The following UPRT variants were observed in gnomAD, a reference collection of about 807,000 sequenced individuals.
UPRT encodes uracil phosphoribosyltransferase homolog, also known as RP11-311P8.3.
A neutral mutation model predicts 22.6 loss-of-function variants in UPRT; 5 were observed. The observed-to-expected ratio is 0.22, with a 90% CI of 0.12 to 0.47. The LOEUF (loss-of-function observed/expected upper bound fraction) is 0.47. UPRT is among the 20% of genes least tolerant of loss of function. The probability of loss-of-function intolerance (pLI) is 0.99; values close to 1 mark genes in which losing one functional copy is unlikely to be tolerated. For missense variants in UPRT, 181 were observed against 239.9 expected, an observed-to-expected ratio of 0.75 and a Z score of 1.62; for synonymous variants, 77 against 87.7, an observed-to-expected ratio of 0.88 and a Z score of 0.68.
At chrX:75,249,587 T>C (rs1602473224) in intron 4 of UPRT, among the ~76,000 whole-genome samples, 1 of 111,165 alleles carries the variant, frequency 9.0e-6, no homozygotes, top group East Asian at 2.8e-4. Flanking sequence ...ACAAAGAGAC[T>C]TAGACTCCCA....
chrX:75,259,471 A>G (rs1330155468), intron 4 of UPRT, among the ~76,000 whole-genome samples: 1 of 107,898 alleles, frequency 9.3e-6, no homozygotes. Flanking sequence ...ATACACGAGT[A>G]TCAACAGCTG....
intron 4 of UPRT, among the ~76,000 whole-genome samples, chrX:75,215,552 G>A (rs748615715): frequency 9.0e-6 from 1 of 111,563 alleles, no homozygotes; most frequent in African/African-American, 3.3e-5. Flanking sequence ...AAGATCCTAT[G>A]GACATTAAAA....
intron 4 of UPRT, among the ~76,000 whole-genome samples, chrX:75,167,927 T>C (rs1415165120): frequency 8.9e-6 from 1 of 111,955 alleles, no homozygotes; most frequent in Non-Finnish European, 1.9e-5. Context: ...AGTGAGAGGT[T>C]GCCCTCCCAC....
chrX:75,279,526 A>G (rs930762747), intron 1 of UPRT, among the ~76,000 whole-genome samples: 2 of 111,790 alleles, frequency 1.8e-5, no homozygotes, highest in South Asian at 3.7e-4. Flanking sequence ...CCCTGACACA[A>G]AGGATAATTA....
At chrX:75,265,278 C>A (rs1210977405) in intron 4 of UPRT, among the ~76,000 whole-genome samples, 1 of 111,674 alleles carries the variant, frequency 9.0e-6, no homozygotes. Context: ...AGAGTGTTTT[C>A]CAACTTGGTT....
At chrX:75,238,950 A>G (rs1237377870) in intron 4 of UPRT, among the ~76,000 whole-genome samples, 1 of 111,663 alleles carries the variant, frequency 9.0e-6, no homozygotes, top group Non-Finnish European at 1.9e-5. Context: ...AACCTCTGGG[A>G]TACAGCAAAA....
chrX:75,235,261 G>A (rs148649750), intron 4 of UPRT, among the ~76,000 whole-genome samples: 10 of 111,186 alleles, frequency 9.0e-5, no homozygotes, highest in Non-Finnish European at 1.9e-4. Flanking sequence ...CCTGAATAGA[G>A]CAATAACAGG....
At chrX:75,201,556 G>A (rs2082347343) in intron 4 of UPRT, 1 of 120,054 alleles carries the variant, frequency 8.3e-6, no homozygotes, top group Admixed American at 9.1e-5. Flanking sequence ...TTTATAAGTG[G>A]AAAGTCATAA....
chrX:75,289,488 G>C lies in UPRT; in HGVS notation c.387-3984G>C, dbSNP rs1260785964. On this transcript the variant is annotated intron_variant, in intron 1 of 6. Coordinates refer to ENST00000373383, the MANE Select transcript of UPRT (RefSeq NM_145052.4). Reference sequence around the variant, plus strand: ...GAAATTCGTATGGTGCCCCAAAAGAGCCAGAATAGCCAAAGCAATCCTAAG... The same window carrying C: ...GAAATTCGTATGGTGCCCCAAAAGACCCAGAATAGCCAAAGCAATCCTAAG... Among the ~76,000 whole-genome samples the C allele has an allele frequency of 3.7e-5, 4 of 109,403 alleles. No homozygotes were observed. In the East Asian group the frequency reaches 1.1e-3, roughly 31 times the overall value.
chrX:75,278,469 C>T (rs1052940447), intron 1 of UPRT, among the ~76,000 whole-genome samples: 3 of 111,511 alleles, frequency 2.7e-5, no homozygotes, highest in Non-Finnish European at 3.8e-5. Flanking sequence ...AAAATTTCTT[C>T]ATTTATGTCG....
chrX:75,283,342 T>G (rs749164960), intron 1 of UPRT, among the ~76,000 whole-genome samples: 3 of 111,609 alleles, frequency 2.7e-5, no homozygotes, highest in Non-Finnish European at 5.6e-5. Flanking sequence ...GTACTGTTTT[T>G]TTTTGTTTTT....
At chrX:75,251,306 G>C (rs2082528695) in intron 4 of UPRT, among the ~76,000 whole-genome samples, 2 of 111,439 alleles carry the variant, frequency 1.8e-5, no homozygotes, top group Non-Finnish European at 1.9e-5. Context: ...TGTATATCTA[G>C]AAAACCCGAT....
chrX:75,176,218 A>G (rs1156578681), intron 4 of UPRT, among the ~76,000 whole-genome samples: 2 of 111,154 alleles, frequency 1.8e-5, no homozygotes, highest in Non-Finnish European at 3.8e-5. Flanking sequence ...TCCAGTCCCC[A>G]TGATCTGAGT....
At chrX:75,278,983 GCCTGTGGAGTCTCTCTC>G (rs1466720992) in intron 1 of UPRT, among the ~76,000 whole-genome samples, 1 of 111,463 alleles carries the variant, frequency 9.0e-6, no homozygotes, top group African/African-American at 3.3e-5. Flanking sequence ...CATCAGAATT[GCCTGTGGAGTCTCTCTC>G]TCTTTTTTTA....
chrX:75,236,007 T>C (rs151153036), intron 4 of UPRT, among the ~76,000 whole-genome samples: 3,031 of 110,692 alleles, frequency 0.027, 45 homozygotes, highest in Middle Eastern at 0.064. Flanking sequence ...GAAGTCAAAT[T>C]GTCCCTGTTT....
chrX:75,274,432 C>G lies in UPRT; in HGVS notation c.178C>G (p.Leu60Val). ...CCTCACGGGGTACGCCCATTCTAGC[C>G]TGCCGGCCGAGCTGGACTCTGGGGC... Reference protein sequence around the residue: ...ILLTGYAHSSLPAELDSGACG... With the variant: ...ILLTGYAHSSVPAELDSGACG... The change falls in exon 1 of 7, where the codon CTG becomes GTG. Residue 60 changes from leucine (L) to valine (V), a missense_variant. Around this residue, in one of 2 missense-constraint regions of UPRT, gnomAD observed 111 missense variants for 102.8 expected, o/e 1.08. Coordinates refer to ENST00000373383, the MANE Select transcript of UPRT (RefSeq NM_145052.4). 4.1e-6 allele frequency: 5 copies of G among 1,211,539 alleles called. No homozygotes were observed. Among genetic ancestry groups the G allele is most frequent in the Non-Finnish European group, 5.6e-6 (5 of 895,402 alleles).
chrX:75,203,387 A>G (rs1195999097), intron 4 of UPRT, among the ~76,000 whole-genome samples: 2 of 110,429 alleles, frequency 1.8e-5, no homozygotes, highest in East Asian at 5.7e-4. Context: ...AGACAGATCA[A>G]TGAGACAGAA....
chrX:75,248,794 A>G (rs1349168449), intron 4 of UPRT, among the ~76,000 whole-genome samples: 2 of 111,960 alleles, frequency 1.8e-5, no homozygotes, highest in African/African-American at 6.5e-5. Flanking sequence ...AAAAAATGTT[A>G]AGGGCAGCCA....
chrX:75,248,226 C>T (rs1275462783), intron 4 of UPRT, among the ~76,000 whole-genome samples: 4 of 111,140 alleles, frequency 3.6e-5, no homozygotes, highest in Non-Finnish European at 5.7e-5. Context: ...ATGACTTTGA[C>T]GAGAGAAGAA....
Sources: gnomAD v4.1 joint callset for allele counts (sites outside exome capture counted in the v4.1 genomes callset) on GRCh38, gnomAD v4.1.1 for gene constraint, gnomAD v4.1.1 regional missense constraint, MANE v1.5 for transcripts, NCBI Gene and HGNC (gene_info 2026-07-23, HGNC 2026-07-21) for gene names.